CUL5: variants seen among roughly 807,000 people sequenced by gnomAD.
CUL5 encodes the protein cullin-5.
A neutral mutation model predicts 108.8 loss-of-function variants in CUL5; 26 were observed. That is an observed-to-expected ratio of 0.24 (90% CI 0.18 to 0.33). CUL5 has a LOEUF of 0.33. Ranked by LOEUF, CUL5 falls within the 10% of genes least tolerant of loss-of-function variation. CUL5 has a pLI of 1.00. For synonymous variants in CUL5, 334 were observed against 298.0 expected, an observed-to-expected ratio of 1.12 and a Z score of -1.25; for missense variants, 524 against 909.2, an observed-to-expected ratio of 0.58 and a Z score of 5.45.
At chr11:108,022,150 C>T (rs1374673102) in intron 1 of CUL5, among the ~76,000 whole-genome samples, 1 of 152,070 alleles carries the variant, frequency 6.6e-6, no homozygotes, top group African/African-American at 2.4e-5. Flanking sequence ...CAACATTTGA[C>T]ATCATTAAAA....
Position 108,078,175 on chromosome 11 carries a change from G to T in CUL5, c.1114-1G>T. 1 of 1,522,468 alleles carries T rather than the reference G, an allele frequency of 6.6e-7. No individual in the cohort carries two copies. Among genetic ancestry groups the T allele is most frequent in the Non-Finnish European group, 8.9e-7 (1 of 1,119,532 alleles). The allele number at this position is 1,522,468 out of a possible 1,614,324, so 94.3% of individuals were successfully genotyped here. On this transcript the variant is annotated splice_acceptor_variant, in intron 10 of 18. Transcript: ENST00000393094. LOFTEE classifies it high-confidence loss of function. ...ATTTTATTCCAAATTATTTTTTGCA[G>T]GCGTATAAAGCAGTTGTTAATGATG...
At chr11:108,010,103 T>A (rs921841192) in intron 1 of CUL5, among the ~76,000 whole-genome samples, 1 of 152,250 alleles carries the variant, frequency 6.6e-6, no homozygotes, top group Non-Finnish European at 1.5e-5. Context: ...AGGGGCAGAT[T>A]CTCCACCAGT....
At chr11:108,074,350 A>G (rs972963385) in intron 10 of CUL5, among the ~76,000 whole-genome samples, 1 of 151,500 alleles carries the variant, frequency 6.6e-6, no homozygotes, top group Non-Finnish European at 1.5e-5. Context: ...ACCAACCACC[A>G]TGCCCGGCTA....
chr11:108,069,549 T>A (rs993364680), intron 7 of CUL5, among the ~76,000 whole-genome samples: 9 of 152,134 alleles, frequency 5.9e-5, no homozygotes, highest in African/African-American at 1.9e-4. Flanking sequence ...AGTTTTTTTT[T>A]ATTTTGTGTG....
At chr11:108,013,445 G>A (rs1862102978) in intron 1 of CUL5, among the ~76,000 whole-genome samples, 1 of 151,998 alleles carries the variant, frequency 6.6e-6, no homozygotes, top group South Asian at 2.1e-4. Flanking sequence ...TTTCCAGCTG[G>A]GTCTTCTCCT....
At chr11:108,103,986 C>T (rs538925808) in intron 18 of CUL5, among the ~76,000 whole-genome samples, 2 of 151,860 alleles carry the variant, frequency 1.3e-5, no homozygotes, top group Non-Finnish European at 2.9e-5. Context: ...AGCAGATTCT[C>T]TTTTATGGGG....
intron 7 of CUL5, among the ~76,000 whole-genome samples, chr11:108,069,557 G>A (rs528597918): frequency 6.6e-6 from 1 of 152,078 alleles, no homozygotes; most frequent in South Asian, 2.1e-4. Context: ...TTTATTTTGT[G>A]TGTGTTTGTG....
chr11:108,023,568 G>A (rs1591277289), intron 1 of CUL5, among the ~76,000 whole-genome samples: 1 of 152,108 alleles, frequency 6.6e-6, no homozygotes, highest in East Asian at 1.9e-4. Flanking sequence ...AATATATCCT[G>A]GGACCCTTCG....
intron 7 of CUL5, among the ~76,000 whole-genome samples, chr11:108,055,545 A>G (rs1863352383): frequency 6.6e-6 from 1 of 152,018 alleles, no homozygotes; most frequent in Non-Finnish European, 1.5e-5. Flanking sequence ...CCTGGGCATA[A>G]GGGCCCCTCC....
chr11:108,013,678 A>G (rs1862111344), intron 1 of CUL5, among the ~76,000 whole-genome samples: 1 of 152,212 alleles, frequency 6.6e-6, no homozygotes, highest in Non-Finnish European at 1.5e-5. Context: ...AGATAAATCA[A>G]ACTTTAAACT....
intron 18 of CUL5, among the ~76,000 whole-genome samples, chr11:108,102,395 C>T (rs1864694637): frequency 6.6e-6 from 1 of 152,112 alleles, no homozygotes. Flanking sequence ...GGTACAATCT[C>T]AGCTCACTGC....
At chr11:108,023,365 AT>A (rs908985107) in intron 1 of CUL5, among the ~76,000 whole-genome samples, 1 of 152,036 alleles carries the variant, frequency 6.6e-6, no homozygotes, top group African/African-American at 2.4e-5. Context: ...CAATTTATAC[AT>A]TTTTTTCCCT....
At chr11:108,061,894 G>GGA (rs145120147) in intron 7 of CUL5, among the ~76,000 whole-genome samples, 5,224 of 149,954 alleles carry the variant, frequency 0.035, 261 homozygotes, top group African/African-American at 0.12. Context: ...TGTGGCAGCA[G>GGA]GAGAGAGAGA....
At chr11:108,084,554 C>T (rs1028610393) in intron 11 of CUL5, among the ~76,000 whole-genome samples, 10 of 152,198 alleles carry the variant, frequency 6.6e-5, no homozygotes, top group Non-Finnish European at 1.3e-4. Context: ...TGAACCCATT[C>T]TTAATGCAAG....
chr11:108,024,382 C>T (rs1862405306), intron 1 of CUL5, among the ~76,000 whole-genome samples: 1 of 152,122 alleles, frequency 6.6e-6, no homozygotes. Flanking sequence ...ATGATTATGC[C>T]ACTGCACTCT....
chr11:108,048,648 C>CCTT (rs1863126429), intron 3 of CUL5, among the ~76,000 whole-genome samples: 1 of 116,870 alleles, frequency 8.6e-6, no homozygotes, highest in African/African-American at 3.9e-5. Flanking sequence ...ACTCCACCAC[C>CCTT]TTTTTTTTTT....
At chr11:108,095,749 T>C in intron 16 of CUL5, 58 bp downstream of exon 16, 1 of 1,396,410 alleles carries the variant, frequency 7.2e-7, no homozygotes, top group Non-Finnish European at 9.9e-7. Flanking sequence ...AGGAAATATA[T>C]GATTGGCTTG....
rs1281031854 is a variant in CUL5 at position 108,104,556 on chromosome 11, A to G, written c.*172A>G. On this transcript the variant is annotated 3_prime_UTR_variant, in exon 19 of 19. Transcript: ENST00000393094. ...TTTGCCAATCACATTAGTTAGCATG[A>G]TGGCATTCCCTTCATGTTGCACACT... 2 of 477,052 alleles carry G rather than the reference A, an allele frequency of 4.2e-6. No individual in the cohort carries two copies. Among genetic ancestry groups the G allele is most frequent in the Admixed American group, 4.2e-5 (1 of 23,812 alleles). 29.6% of individuals were successfully genotyped at this position (477,052 alleles called of 1,614,324 possible). A position where few individuals can be genotyped will look rare whatever the true frequency, so the allele number is the denominator to read the frequency against.
intron 7 of CUL5, among the ~76,000 whole-genome samples, chr11:108,063,120 C>T (rs1863582756): frequency 6.6e-6 from 1 of 152,206 alleles, no homozygotes; most frequent in South Asian, 2.1e-4. Flanking sequence ...GCTGGGATTA[C>T]AGGTGTGAGC....
Sources: gnomAD v4.1 joint callset for allele counts (sites outside exome capture counted in the v4.1 genomes callset) on GRCh38, gnomAD v4.1.1 for gene constraint, MANE v1.5 for transcripts, NCBI Gene and HGNC (gene_info 2026-07-23, HGNC 2026-07-21) for gene names.